MTOR: variants seen among roughly 807,000 people sequenced by gnomAD.
The protein encoded by MTOR is serine/threonine-protein kinase mTOR.
A neutral mutation model predicts 319.8 loss-of-function variants in MTOR; 70 were observed. The ratio of observed to expected loss-of-function variants is 0.22; its 90% confidence interval spans 0.18 to 0.27. The LOEUF (loss-of-function observed/expected upper bound fraction) is 0.27, where lower values mean the gene tolerates loss of function less well. Ranked by LOEUF, MTOR falls within the 10% of genes least tolerant of loss-of-function variation. MTOR has a pLI of 1.00. For missense variants in MTOR, 1,890 were observed against 3,274.4 expected (o/e 0.58, Z 10.32); for synonymous variants, 1,183 against 1,211.4 (o/e 0.98, Z 0.49).
Position 11,115,621 on chromosome 1 carries a change from C to A in MTOR, c.7017-153G>T. The A allele has an allele frequency of 1.5e-6, 1 of 672,954 alleles. No homozygotes were observed. Among genetic ancestry groups the A allele is most frequent in the East Asian group, 2.7e-5 (1 of 37,178 alleles). The allele number at this position is 672,954 out of a possible 1,614,324, so 41.7% of individuals were successfully genotyped here. ...CTCCACTTCTGCAAGTCCAGTTTTA[C>A]TGGAACACACAGCACGCTCCCTTGT... On this transcript the variant is annotated intron_variant, in intron 50 of 57. Transcript: ENST00000361445. The surrounding 1 kb of genome is among the most constrained non-coding windows in gnomAD (Gnocchi z 4.5).
intron 1 of MTOR, among the ~76,000 whole-genome samples, chr1:11,261,934 G>A (rs1170614990): frequency 6.6e-6 from 1 of 152,134 alleles, no homozygotes; most frequent in Non-Finnish European, 1.5e-5. Flanking sequence ...ATATCCTAAT[G>A]GTGTTGATAG....
intron 47 of MTOR, among the ~76,000 whole-genome samples, chr1:11,123,683 G>A (rs1642663173): frequency 6.6e-6 from 1 of 151,568 alleles, no homozygotes; most frequent in South Asian, 2.1e-4. Flanking sequence ...TGTCCAGGAT[G>A]GTCTTGAACT....
intron 25 of MTOR, among the ~76,000 whole-genome samples, chr1:11,205,443 T>A (rs76919609): frequency 0.024 from 3,648 of 152,288 alleles, 164 homozygotes; most frequent in African/African-American, 0.082. Flanking sequence ...AGTTTCCTCA[T>A]CTGTAAAATG....
At chr1:11,244,885 G>A (rs1160868913) in intron 8 of MTOR, among the ~76,000 whole-genome samples, 1 of 152,228 alleles carries the variant, frequency 6.6e-6, no homozygotes, top group Non-Finnish European at 1.5e-5. Flanking sequence ...AGAGCTAGGT[G>A]TAGAGTAGGC....
intron 1 of MTOR, among the ~76,000 whole-genome samples, 157 bp downstream of exon 1, chr1:11,262,288 G>A (rs1321020836): frequency 2.0e-5 from 3 of 152,242 alleles, no homozygotes; most frequent in Admixed American, 2.0e-4. Flanking sequence ...CGAGGGGTGG[G>A]AGTCAAGGCC....
At chr1:11,191,168 T>C (rs983185650) in intron 28 of MTOR, among the ~76,000 whole-genome samples, 1 of 152,172 alleles carries the variant, frequency 6.6e-6, no homozygotes, top group Non-Finnish European at 1.5e-5. Context: ...AGGAGGTTCT[T>C]GGGGTCAAGT....
Position 11,109,460 on chromosome 1 carries a change from T to C in MTOR, c.7448-90A>G. ...CCTGTTTTTCTCAAATATTCACTTT[T>C]GTAAGTGTTAAGCAATCCTTCCTCT... On this transcript the variant is annotated intron_variant, in intron 55 of 57. Coordinates refer to ENST00000361445, the MANE Select transcript of MTOR (RefSeq NM_004958.4). The surrounding 1 kb of genome is among the most constrained non-coding windows in gnomAD (Gnocchi z 4.0). 1 of 1,327,468 alleles carries C rather than the reference T, an allele frequency of 7.5e-7. No homozygotes were observed. The highest frequency in any genetic ancestry group is 2.3e-5 in the East Asian group (1 of 43,490). The allele number at this position is 1,327,468 out of a possible 1,614,324, so 82.2% of individuals were successfully genotyped here. A position where few individuals can be genotyped will look rare whatever the true frequency, so the allele number is the denominator to read the frequency against.
Position 11,129,886 on chromosome 1 carries a change from A to T in MTOR, c.5614-48T>A, listed in dbSNP as rs754730386. On this transcript the variant is annotated intron_variant, in intron 39 of 57. Coordinates refer to ENST00000361445, the MANE Select transcript of MTOR (RefSeq NM_004958.4). The surrounding 1 kb of genome is among the most constrained non-coding windows in gnomAD (Gnocchi z 4.7). ...GCGACACTCTTGCCTCTGCTTTCTCATCTGTAAAATGGGCATAAGAGCATA... is the reference window on the plus strand; with the variant it reads ...GCGACACTCTTGCCTCTGCTTTCTCTTCTGTAAAATGGGCATAAGAGCATA... 6.5e-7 allele frequency: 1 copy of T among 1,537,880 alleles called. No individual in the cohort carries two copies. The highest frequency in any genetic ancestry group is 9.0e-7 in the Non-Finnish European group (1 of 1,112,524).
intron 28 of MTOR, among the ~76,000 whole-genome samples, chr1:11,191,049 A>G (rs1191295340): frequency 6.6e-6 from 1 of 152,210 alleles, no homozygotes; most frequent in Non-Finnish European, 1.5e-5. Context: ...GTGAGTCCTG[A>G]TTTGGTCTGT....
chr1:11,219,085 T>C (rs916067820), intron 19 of MTOR, among the ~76,000 whole-genome samples: 1 of 152,060 alleles, frequency 6.6e-6, no homozygotes, highest in Admixed American at 6.6e-5. Context: ...CATAGTGGCA[T>C]GTGTCTGTAG....
intron 18 of MTOR, among the ~76,000 whole-genome samples, chr1:11,230,135 A>G (rs75130432): frequency 7.3e-6 from 1 of 137,070 alleles, no homozygotes; most frequent in South Asian, 2.5e-4. Flanking sequence ...AAAAAAAAAA[A>G]GGCGTCCAGG....
chr1:11,232,396 T>C (rs764051234), intron 16 of MTOR, 40 bp downstream of exon 16: 3 of 1,499,184 alleles, frequency 2.0e-6, no homozygotes, highest in Non-Finnish European at 9.3e-7. Context: ...CCTGGACTCA[T>C]GGGGTCTGTC....
chr1:11,144,943 A>G (rs1372426964), intron 33 of MTOR, 25 bp downstream of exon 33: 2 of 1,610,418 alleles, frequency 1.2e-6, no homozygotes, highest in East Asian at 2.2e-5. Flanking sequence ...CAAAAATGAC[A>G]ATGTGCAGAA....
chr1:11,192,157 T>C (rs746899239), intron 28 of MTOR: 44 of 794,882 alleles, frequency 5.5e-5, no homozygotes, highest in Non-Finnish European at 8.2e-5. Flanking sequence ...CACTGATGGG[T>C]AATTAACACC....
chr1:11,207,115 G>T (rs1271355271), intron 25 of MTOR, among the ~76,000 whole-genome samples: 2 of 152,052 alleles, frequency 1.3e-5, no homozygotes, highest in African/African-American at 2.4e-5. Flanking sequence ...GTTGTTGTTG[G>T]TGAGACAGGG....
rs765305269 is a variant in MTOR at position 11,126,998 on chromosome 1, T to G, written c.6351+12A>C. 3.7e-6 allele frequency: 6 copies of G among 1,613,956 alleles called. No homozygotes were observed. In the South Asian group the frequency reaches 6.6e-5, roughly 18 times the overall value. ...ATGACAGTTAACCCTGCCAGGAGCC[T>G]GAAGATCCTACCTGAGGCAGCTGCT... On this transcript the variant is annotated intron_variant, in intron 45 of 57. Coordinates refer to ENST00000361445, the MANE Select transcript of MTOR (RefSeq NM_004958.4).
At chr1:11,144,776 T>G in intron 33 of MTOR, 21 bp from the exon 34 acceptor site, 2 of 1,603,972 alleles carry the variant, frequency 1.2e-6, no homozygotes, top group Non-Finnish European at 1.7e-6. Flanking sequence ...CAAATCGCAT[T>G]CCAAACTAAT....
chr1:11,257,479 C>T (rs569482999), intron 3 of MTOR, among the ~76,000 whole-genome samples: 6 of 144,880 alleles, frequency 4.1e-5, no homozygotes, highest in African/African-American at 1.5e-4. Context: ...AGGAGAATTG[C>T]TTGGACCTGG....
intron 28 of MTOR, among the ~76,000 whole-genome samples, chr1:11,190,444 T>C (rs1442099660): frequency 1.3e-5 from 2 of 152,324 alleles, no homozygotes; most frequent in East Asian, 3.9e-4. Flanking sequence ...TAAACGTAAC[T>C]CTTCTCATTG....
Sources: allele counts gnomAD v4.1 joint callset (sites outside exome capture counted in the v4.1 genomes callset), GRCh38; gene constraint gnomAD v4.1.1; non-coding constraint Gnocchi (gnomAD v3.1); transcripts MANE v1.5; gene names NCBI Gene and HGNC (gene_info 2026-07-23, HGNC 2026-07-21).